MAGI1: variants seen among roughly 807,000 people sequenced by gnomAD.
The protein encoded by MAGI1 is membrane-associated guanylate kinase, WW and PDZ domain-containing protein 1.
MAGI1 carries 58 observed loss-of-function variants against 139.9 expected under a neutral mutation model. That is an observed-to-expected ratio of 0.41 (90% CI 0.34 to 0.52). The LOEUF (loss-of-function observed/expected upper bound fraction) is 0.52, where lower values mean the gene tolerates loss of function less well. Ranked by LOEUF, MAGI1 falls within the 20% of genes least tolerant of loss-of-function variation. MAGI1 has a pLI of 0.12. For synonymous variants in MAGI1, 812 were observed against 737.9 expected (o/e 1.10, Z -1.63); for missense variants, 1,874 against 1,901.6 (o/e 0.99, Z 0.27).
chr3:65,410,408 T>C (rs1450220416), intron 12 of MAGI1, among the ~76,000 whole-genome samples: 1 of 152,216 alleles, frequency 6.6e-6, no homozygotes, highest in African/African-American at 2.4e-5. Flanking sequence ...CACAGTCAGG[T>C]GAATAGCTGG....
intron 12 of MAGI1, among the ~76,000 whole-genome samples, chr3:65,418,109 T>C (rs1346364373): frequency 6.6e-6 from 1 of 152,166 alleles, no homozygotes; most frequent in African/African-American, 2.4e-5. Flanking sequence ...AACAGATAAC[T>C]GTCTGGCCCA....
chr3:66,009,747 T>G (rs1349044295), intron 1 of MAGI1, among the ~76,000 whole-genome samples: 1 of 152,042 alleles, frequency 6.6e-6, no homozygotes, highest in Non-Finnish European at 1.5e-5. Flanking sequence ...CCTGCCCTCA[T>G]GAGCACATTA....
Position 65,643,313 on chromosome 3 carries a change from C to G in MAGI1, c.314-21225G>C, listed in dbSNP as rs548813236. On this transcript the variant is annotated intron_variant, in intron 1 of 22. Coordinates refer to ENST00000402939, the MANE Select transcript of MAGI1 (RefSeq NM_001033057.2). ...TTTAAAACCATGTTACTAGCAAACA[C>G]CTCATGCCAACTCAACAGCTCTTGT... is the stretch of plus-strand genomic sequence containing the variant. Among the ~76,000 whole-genome samples, 28 of 152,270 alleles carry G rather than the reference C, an allele frequency of 1.8e-4. No individual in the cohort carries two copies. The South Asian group carries it at 5.4e-3, about 29-fold the overall frequency.
intron 2 of MAGI1, among the ~76,000 whole-genome samples, chr3:65,524,806 C>T (rs978796616): frequency 6.6e-6 from 1 of 152,150 alleles, no homozygotes; most frequent in African/African-American, 2.4e-5. Flanking sequence ...TCTCTCAGCT[C>T]CAAGGGGCTC....
intron 1 of MAGI1, among the ~76,000 whole-genome samples, chr3:65,725,465 C>G (rs72900246): frequency 0.033 from 4,995 of 152,252 alleles, 236 homozygotes; most frequent in African/African-American, 0.11. Flanking sequence ...ACATGTCTAA[C>G]AAGACAGCAG....
intron 1 of MAGI1, among the ~76,000 whole-genome samples, chr3:65,713,288 G>C (rs573257874): frequency 2.0e-5 from 3 of 152,180 alleles, no homozygotes; most frequent in East Asian, 3.9e-4. Context: ...AACTAGCCCG[G>C]GAAGAAACTC....
intron 2 of MAGI1, among the ~76,000 whole-genome samples, chr3:65,605,201 C>T (rs1448062742): frequency 5.9e-5 from 9 of 152,202 alleles, no homozygotes; most frequent in Non-Finnish European, 1.2e-4. Flanking sequence ...ACCACATCCA[C>T]TTATCCTTAA....
intron 1 of MAGI1, among the ~76,000 whole-genome samples, chr3:65,635,649 G>A (rs1336499856): frequency 1.3e-5 from 2 of 152,182 alleles, no homozygotes; most frequent in Admixed American, 6.5e-5. Context: ...CTGCTGACAG[G>A]TAAGATGTTT....
At chr3:65,385,292 T>C (rs907451674) in intron 14 of MAGI1, among the ~76,000 whole-genome samples, 26 of 152,200 alleles carry the variant, frequency 1.7e-4, no homozygotes, top group Non-Finnish European at 3.4e-4. Flanking sequence ...CGTAATATTT[T>C]AATGTATACA....
At chr3:65,746,568 T>A (rs2035726288) in intron 1 of MAGI1, among the ~76,000 whole-genome samples, 1 of 152,074 alleles carries the variant, frequency 6.6e-6, no homozygotes, top group Non-Finnish European at 1.5e-5. Context: ...CTACTTGACA[T>A]CTCATCCAAC....
intron 1 of MAGI1, among the ~76,000 whole-genome samples, chr3:66,001,742 T>C (rs578019344): frequency 1.3e-5 from 2 of 152,272 alleles, no homozygotes; most frequent in Admixed American, 1.3e-4. Flanking sequence ...TTCATAACAA[T>C]GTGTCTACCT....
chr3:65,509,022 T>C (rs572100226), intron 2 of MAGI1, among the ~76,000 whole-genome samples: 1 of 152,204 alleles, frequency 6.6e-6, no homozygotes, highest in African/African-American at 2.4e-5. Context: ...CCTGGAGCTC[T>C]TACAAGAAGT....
At chr3:65,381,743 C>G (rs1447574957) in intron 16 of MAGI1, 134 bp downstream of exon 16, 1 of 809,648 alleles carries the variant, frequency 1.2e-6, no homozygotes, top group Non-Finnish European at 1.9e-6. Flanking sequence ...AGCAAGCCAT[C>G]TGGAAATTCT....
chr3:65,871,911 GGTCGGTAACA>G, intron 1 of MAGI1, among the ~76,000 whole-genome samples: 1 of 152,226 alleles, frequency 6.6e-6, no homozygotes, highest in African/African-American at 2.4e-5. Context: ...ATTCTGCCTG[GGTCGGTAACA>G]GTTCTCCACC....
chr3:65,666,759 C>G (rs551371917), intron 1 of MAGI1, among the ~76,000 whole-genome samples: 2 of 152,290 alleles, frequency 1.3e-5, no homozygotes, highest in South Asian at 2.1e-4. Context: ...TCTCCACATT[C>G]TGATGAAAAT....
intron 1 of MAGI1, among the ~76,000 whole-genome samples, chr3:65,855,451 A>C (rs1173278114): frequency 6.8e-6 from 1 of 147,372 alleles, no homozygotes; most frequent in African/African-American, 2.5e-5. Context: ...AAATAAAATA[A>C]AATGGCCCAG....
chr3:65,401,373 CCCACCTCCA>C, intron 13 of MAGI1, 57 bp downstream of exon 13: 1 of 605,092 alleles, frequency 1.7e-6, no homozygotes, highest in Non-Finnish European at 3.1e-6. Context: ...AGAGTACCCT[CCCACCTCCA>C]GCCCCCCACC....
chr3:65,891,506 T>C (rs1275349020), intron 1 of MAGI1, among the ~76,000 whole-genome samples: 1 of 151,784 alleles, frequency 6.6e-6, no homozygotes, highest in African/African-American at 2.4e-5. Context: ...CAAACTAAAA[T>C]GTTAGATTAA....
At chr3:65,623,469 T>C (rs1209212439) in intron 1 of MAGI1, among the ~76,000 whole-genome samples, 1 of 152,214 alleles carries the variant, frequency 6.6e-6, no homozygotes, top group Non-Finnish European at 1.5e-5. Context: ...CTAACTAGCA[T>C]TCACTCTTAA....
Sources: allele counts gnomAD v4.1 joint callset (sites outside exome capture counted in the v4.1 genomes callset), GRCh38; gene constraint gnomAD v4.1.1; transcripts MANE v1.5; gene names NCBI Gene and HGNC (gene_info 2026-07-23, HGNC 2026-07-21).